Variants in NUDT7 observed in about 807,000 individuals in gnomAD.
NUDT7 encodes nudix hydrolase 7, also known as peroxisomal coenzyme A diphosphatase NUDT7.
A neutral mutation model predicts 13.1 loss-of-function variants in NUDT7; 19 were observed. The ratio of observed to expected loss-of-function variants is 1.45; its 90% CI spans 1.01 to 2.13. The LOEUF is 2.13. NUDT7 is among the 30% of genes most tolerant of loss of function. The pLI is 0.00. For missense variants in NUDT7, 360 were observed against 291.7 expected, an observed-to-expected ratio of 1.23 and a Z score of -1.71; for synonymous variants, 132 against 109.7, an observed-to-expected ratio of 1.20 and a Z score of -1.27.
At chr16:77,732,280 A>T (rs1198431980) in intron 2 of NUDT7, among the ~76,000 whole-genome samples, 3 of 151,894 alleles carry the variant, frequency 2.0e-5, no homozygotes, top group Non-Finnish European at 1.5e-5. Context: ...GTGAGCTGAG[A>T]TCCCATCACT....
At chr16:77,728,875 C>T (rs2014225348) in intron 2 of NUDT7, among the ~76,000 whole-genome samples, 1 of 151,678 alleles carries the variant, frequency 6.6e-6, no homozygotes, top group Non-Finnish European at 1.5e-5. Flanking sequence ...ATTAGCTGCT[C>T]TGCATTATCG....
At chr16:77,723,508 T>C (rs578016352) in intron 1 of NUDT7, among the ~76,000 whole-genome samples, 1 of 152,120 alleles carries the variant, frequency 6.6e-6, no homozygotes, top group Non-Finnish European at 1.5e-5. Context: ...AGCCACAGTA[T>C]ATGAACTGCA....
chr16:77,731,157 T>C (rs7194039), intron 2 of NUDT7, among the ~76,000 whole-genome samples: 75,809 of 151,958 alleles, frequency 0.5, 20,491 homozygotes, highest in African/African-American at 0.69. Flanking sequence ...ATTGCCCAGC[T>C]CAAGGATAAC....
At chr16:77,736,466 A>T (rs1276266757) in intron 3 of NUDT7, among the ~76,000 whole-genome samples, 1 of 152,210 alleles carries the variant, frequency 6.6e-6, no homozygotes, top group Non-Finnish European at 1.5e-5. Flanking sequence ...ACATTAATTG[A>T]ATAGAACCGT....
intron 3 of NUDT7, among the ~76,000 whole-genome samples, chr16:77,740,949 A>G (rs2014639424): frequency 6.6e-6 from 1 of 152,260 alleles, no homozygotes; most frequent in South Asian, 2.1e-4. Context: ...ATAGTTATAT[A>G]TAAGACACAT....
At chr16:77,740,398 C>T (rs1245628680) in intron 3 of NUDT7, among the ~76,000 whole-genome samples, 1 of 152,154 alleles carries the variant, frequency 6.6e-6, no homozygotes. Context: ...AATTCCAGTT[C>T]TTCTCACTTT....
intron 3 of NUDT7, among the ~76,000 whole-genome samples, chr16:77,740,106 T>G (rs2014611700): frequency 6.6e-6 from 1 of 152,100 alleles, no homozygotes; most frequent in Non-Finnish European, 1.5e-5. Flanking sequence ...AGGTGTGGTG[T>G]TACGTGCTGG....
chr16:77,735,360 C>G (rs574970718), intron 2 of NUDT7: 1 of 526,902 alleles, frequency 1.9e-6, no homozygotes, highest in East Asian at 3.0e-5. Context: ...AAGTGTGTAG[C>G]ACCTCCCCTC....
chr16:77,731,006 A>G (rs2014302443), intron 2 of NUDT7, among the ~76,000 whole-genome samples: 1 of 152,014 alleles, frequency 6.6e-6, no homozygotes, highest in African/African-American at 2.4e-5. Context: ...ATGGTTTGCA[A>G]ATATTTTCTC....
At chr16:77,725,981 G>C (rs901564032) in intron 2 of NUDT7, among the ~76,000 whole-genome samples, 4 of 152,108 alleles carry the variant, frequency 2.6e-5, no homozygotes, top group Non-Finnish European at 5.9e-5. Flanking sequence ...CCTTTGTCCA[G>C]TATGCCAGTA....
chr16:77,724,603 G>T (rs543428185), intron 1 of NUDT7, among the ~76,000 whole-genome samples: 26 of 152,260 alleles, frequency 1.7e-4, no homozygotes, highest in Middle Eastern at 3.4e-3. Context: ...AACAGTCATT[G>T]GATTTAGAGC....
intron 2 of NUDT7, among the ~76,000 whole-genome samples, chr16:77,728,353 C>G (rs1045084102): frequency 5.8e-4 from 89 of 152,208 alleles, no homozygotes; most frequent in African/African-American, 2.1e-3. Context: ...CCACCTCAGC[C>G]TCCCAATTAG....
At chr16:77,730,287 A>G (rs996474539) in intron 2 of NUDT7, among the ~76,000 whole-genome samples, 1 of 152,014 alleles carries the variant, frequency 6.6e-6, no homozygotes, top group African/African-American at 2.4e-5. Context: ...CCTCCCCCCA[A>G]ACCACCTCAG....
chr16:77,727,945 A>G (rs1474050836), intron 2 of NUDT7, among the ~76,000 whole-genome samples: 1 of 152,206 alleles, frequency 6.6e-6, no homozygotes, highest in African/African-American at 2.4e-5. Context: ...CAATACTACA[A>G]ACTCAACCAA....
rs182880609 is a variant in NUDT7 at position 77,736,484 on chromosome 16, C to T, written c.348+498C>T. 1.4e-4 allele frequency among the ~76,000 whole-genome samples: 22 copies of T among 152,290 alleles called. No individual in the cohort carries two copies. The East Asian group carries it at 4.2e-3, about 29-fold the overall frequency. ...TTAATTGAATAGAACCGTGAAATCA[C>T]TAGGCAAGCTATTTAAAAACTATTA... On this transcript the variant is annotated intron_variant, in intron 3 of 3. Coordinates refer to ENST00000268533, the MANE Select transcript of NUDT7 (RefSeq NM_001105663.3).
intron 3 of NUDT7, among the ~76,000 whole-genome samples, chr16:77,740,983 C>T (rs2014641058): frequency 6.6e-6 from 1 of 152,138 alleles, no homozygotes; most frequent in Admixed American, 6.5e-5. Context: ...TGTGTATGTA[C>T]TATGAAATTT....
intron 2 of NUDT7, among the ~76,000 whole-genome samples, chr16:77,727,092 C>G (rs1443404696): frequency 6.6e-6 from 1 of 152,118 alleles, no homozygotes; most frequent in African/African-American, 2.4e-5. Flanking sequence ...AAATCTGCCC[C>G]TGTGATCCAG....
At position 77,742,141 on chromosome 16, in the gene NUDT7, A is replaced by G. The variant is rs376398647; in HGVS notation, c.*191A>G. ...AAGTAAAAGCCATTCAAAAATGAAA[A>G]CTATGTTCATAGTGTTGCATATTTT... On this transcript the variant is annotated 3_prime_UTR_variant, in exon 4 of 4. Coordinates refer to ENST00000268533, the MANE Select transcript of NUDT7 (RefSeq NM_001105663.3). The G allele has an allele frequency of 4.5e-5, 59 of 1,306,402 alleles. No homozygotes were observed. The South Asian group carries it at 6.4e-4, about 14-fold the overall frequency. The allele number at this position is 1,306,402 out of a possible 1,614,324, so 80.9% of individuals were successfully genotyped here.
chr16:77,727,300 A>T (rs1233567448), intron 2 of NUDT7, among the ~76,000 whole-genome samples: 1 of 152,212 alleles, frequency 6.6e-6, no homozygotes, highest in Non-Finnish European at 1.5e-5. Flanking sequence ...AATAAGCCAT[A>T]TTAACAGGCT....
Sources: allele counts gnomAD v4.1 joint callset (sites outside exome capture counted in the v4.1 genomes callset), GRCh38; gene constraint gnomAD v4.1.1; transcripts MANE v1.5; gene names NCBI Gene and HGNC (gene_info 2026-07-23, HGNC 2026-07-21).